Variants in KIAA0825 observed in about 807,000 individuals in gnomAD.
KIAA0825 encodes KIAA0825, also known as uncharacterized protein KIAA0825.
KIAA0825 carries 119 observed loss-of-function variants against 147.6 expected under a neutral mutation model. The observed-to-expected ratio is 0.81, with a 90% CI of 0.69 to 0.94. The LOEUF (loss-of-function observed/expected upper bound fraction) is 0.94, where lower values mean the gene tolerates loss of function less well. Among genes scored for constraint, KIAA0825 ranks in the 40% least tolerant of loss-of-function variants. The pLI is 0.00. For synonymous variants in KIAA0825, 470 were observed against 518.1 expected (o/e 0.91, Z 1.26); for missense variants, 1,381 against 1,472.7 (o/e 0.94, Z 1.02).
intron 20 of KIAA0825, among the ~76,000 whole-genome samples, chr5:94,285,323 AT>A (rs1039643013): frequency 6.6e-6 from 1 of 152,046 alleles, no homozygotes; most frequent in African/African-American, 2.4e-5. Context: ...ACAAATAATT[AT>A]TTTTTTTAAA....
chr5:94,515,864 TTGTAAATCAC>T (rs1767155766), intron 5 of KIAA0825, among the ~76,000 whole-genome samples: 1 of 152,014 alleles, frequency 6.6e-6, no homozygotes, highest in South Asian at 2.1e-4. Context: ...AAGCGTTGCT[TTGTAAATCAC>T]TCTGAAAACT....
intron 14 of KIAA0825, among the ~76,000 whole-genome samples, chr5:94,438,957 G>A (rs1192001555): frequency 2.0e-5 from 3 of 152,176 alleles, no homozygotes; most frequent in East Asian, 3.8e-4. Context: ...TTAGCGTTAA[G>A]ACAGAGCATT....
At position 94,153,365 on chromosome 5, in the gene KIAA0825, T is replaced by G. The variant is rs1296377166; in HGVS notation, c.*642A>C. 2 of 152,096 alleles carry G rather than the reference T, an allele frequency of 1.3e-5. No individual in the cohort carries two copies. The highest frequency in any genetic ancestry group is 1.3e-4 in the Admixed American group (2 of 15,268). The allele number at this position is 152,096 out of a possible 1,614,324, so 9.4% of individuals were successfully genotyped here. A position where few individuals can be genotyped will look rare whatever the true frequency, so the allele number is the denominator to read the frequency against. On this transcript the variant is annotated 3_prime_UTR_variant, in exon 21 of 21. Coordinates refer to ENST00000682413, the MANE Select transcript of KIAA0825 (RefSeq NM_001145678.3). ...ACCAAGAGGATGGCAAGCAATTGTCTGAACATGGAGCCATTTGGTATAGGA... is the reference window on the plus strand; with the variant it reads ...ACCAAGAGGATGGCAAGCAATTGTCGGAACATGGAGCCATTTGGTATAGGA...
chr5:94,565,149 G>T (rs1778461468), intron 2 of KIAA0825, among the ~76,000 whole-genome samples: 1 of 124,770 alleles, frequency 8.0e-6, no homozygotes, highest in Non-Finnish European at 1.6e-5. Flanking sequence ...GTCCAAGCTG[G>T]TCTCGAACTC....
Position 94,152,858 on chromosome 5 carries a change from ATATATAT to A in KIAA0825, c.*1142_*1148del, listed in dbSNP as rs1766657444. Reference sequence around the variant, plus strand: ...AAAAAAAAAAAAAAAAAAAAAAATTATATATATATATATATATATATATATATATATA... The same window carrying A: ...AAAAAAAAAAAAAAAAAAAAAAATTAATATATATATATATATATATATATA... On this transcript the variant is annotated 3_prime_UTR_variant, in exon 21 of 21. Coordinates refer to ENST00000682413, the MANE Select transcript of KIAA0825 (RefSeq NM_001145678.3). The A allele has an allele frequency of 6.9e-4, 2 of 2,880 alleles. No individual in the cohort carries two copies. The highest frequency in any genetic ancestry group is 1.4e-3 in the Non-Finnish European group (2 of 1,424). The allele number at this position is 2,880 out of a possible 1,614,324, so 0.2% of individuals were successfully genotyped here. A position where few individuals can be genotyped will look rare whatever the true frequency, so the allele number is the denominator to read the frequency against.
intron 20 of KIAA0825, among the ~76,000 whole-genome samples, chr5:94,267,312 G>A (rs1159521165): frequency 6.6e-6 from 1 of 152,176 alleles, no homozygotes; most frequent in Non-Finnish European, 1.5e-5. Flanking sequence ...TTGAGATTGT[G>A]ATTATGAATT....
chr5:94,253,409 G>A (rs1262656600), intron 20 of KIAA0825, among the ~76,000 whole-genome samples: 1 of 152,134 alleles, frequency 6.6e-6, no homozygotes, highest in East Asian at 1.9e-4. Flanking sequence ...AACACATGCG[G>A]TGCATGCAGC....
intron 5 of KIAA0825, chr5:94,519,735 A>G: frequency 1.2e-6 from 1 of 811,786 alleles, no homozygotes; most frequent in Non-Finnish European, 1.5e-6. Context: ...TTTACTGCAA[A>G]TTTCAACAAA....
chr5:94,239,433 A>G (rs1334928480), intron 20 of KIAA0825, among the ~76,000 whole-genome samples: 1 of 152,192 alleles, frequency 6.6e-6, no homozygotes. Flanking sequence ...TGTCATATCA[A>G]CATTCCTAGT....
intron 1 of KIAA0825, among the ~76,000 whole-genome samples, chr5:94,610,574 G>T (rs1326011222): frequency 6.7e-6 from 1 of 149,764 alleles, no homozygotes; most frequent in African/African-American, 2.4e-5. Context: ...ACCAGCCTGG[G>T]CAACATGGTG....
At chr5:94,188,594 A>G (rs1355527134) in intron 20 of KIAA0825, among the ~76,000 whole-genome samples, 4 of 151,834 alleles carry the variant, frequency 2.6e-5, no homozygotes, top group Admixed American at 6.6e-5. Flanking sequence ...CACATTTTTG[A>G]GTTATTCATA....
intron 10 of KIAA0825, among the ~76,000 whole-genome samples, chr5:94,466,661 C>T (rs1056112931): frequency 2.1e-5 from 3 of 142,070 alleles, no homozygotes; most frequent in Admixed American, 7.5e-5. Flanking sequence ...GGAGTGAACC[C>T]GGGAGGCAGA....
At chr5:94,353,465 G>T (rs1270765162) in intron 20 of KIAA0825, among the ~76,000 whole-genome samples, 2 of 152,028 alleles carry the variant, frequency 1.3e-5, no homozygotes, top group African/African-American at 4.8e-5. Flanking sequence ...TTAAATGCAG[G>T]TCTCAGAGTT....
chr5:94,332,937 A>G (rs1193608949), intron 20 of KIAA0825, among the ~76,000 whole-genome samples: 3 of 152,180 alleles, frequency 2.0e-5, no homozygotes, highest in African/African-American at 7.2e-5. Context: ...ATGAGATGGT[A>G]TCTCATTGTG....
intron 6 of KIAA0825, among the ~76,000 whole-genome samples, chr5:94,481,467 G>T (rs560863738): frequency 6.6e-6 from 1 of 151,908 alleles, no homozygotes; most frequent in South Asian, 2.1e-4. Context: ...TTCTTTTTCT[G>T]GCTCACAAGC....
chr5:94,385,443 CA>C (rs1040112475), intron 19 of KIAA0825, among the ~76,000 whole-genome samples: 22 of 152,162 alleles, frequency 1.4e-4, no homozygotes, highest in African/African-American at 5.3e-4. Flanking sequence ...ATATTATCTG[CA>C]TGCTGAATTA....
intron 15 of KIAA0825, among the ~76,000 whole-genome samples, chr5:94,411,905 C>T (rs917024743): frequency 5.9e-5 from 9 of 151,748 alleles, no homozygotes; most frequent in Admixed American, 3.3e-4. Context: ...CAAGATTGCC[C>T]GACTGCACAC....
At chr5:94,269,449 A>T (rs1160842241) in intron 20 of KIAA0825, among the ~76,000 whole-genome samples, 1 of 152,176 alleles carries the variant, frequency 6.6e-6, no homozygotes, top group East Asian at 1.9e-4. Flanking sequence ...ATGTAAATGG[A>T]CTAAATTCTC....
At chr5:94,173,073 CTA>C (rs1426895569) in intron 20 of KIAA0825, among the ~76,000 whole-genome samples, 3 of 152,016 alleles carry the variant, frequency 2.0e-5, no homozygotes, top group East Asian at 1.9e-4. Context: ...CAGAAAATAA[CTA>C]TTTTAATTTA....
Sources: gnomAD v4.1 joint callset for allele counts (sites outside exome capture counted in the v4.1 genomes callset) on GRCh38, gnomAD v4.1.1 for gene constraint, MANE v1.5 for transcripts, NCBI Gene and HGNC (gene_info 2026-07-23, HGNC 2026-07-21) for gene names.